SLC39A14: variants seen among roughly 807,000 people sequenced by gnomAD.
SLC39A14 encodes solute carrier family 39 member 14.
In SLC39A14, 19 loss-of-function variants were observed where a neutral mutation model predicts 45.5. The ratio of observed to expected loss-of-function variants is 0.42; its 90% CI spans 0.29 to 0.61. The LOEUF is 0.61. Among genes scored for constraint, SLC39A14 ranks in the 20% least tolerant of loss-of-function variants. SLC39A14 has a pLI of 0.22. For missense variants in SLC39A14, 447 were observed against 616.5 expected (o/e 0.73, Z 2.91); for synonymous variants, 264 against 251.3 (o/e 1.05, Z -0.48).
chr8:22,429,143 G>A (rs1315538297), intron 8 of SLC39A14, among the ~76,000 whole-genome samples: 1 of 152,086 alleles, frequency 6.6e-6, no homozygotes, highest in African/African-American at 2.4e-5. Flanking sequence ...GTGGTGGCGG[G>A]CACCTGTGGT....
intron 8 of SLC39A14, among the ~76,000 whole-genome samples, chr8:22,428,499 G>T (rs1182273093): frequency 2.9e-5 from 4 of 136,344 alleles, no homozygotes; most frequent in East Asian, 2.3e-4. Flanking sequence ...CTGTAGTGCC[G>T]TGGTACGATC....
intron 8 of SLC39A14, among the ~76,000 whole-genome samples, chr8:22,428,695 C>A (rs1836425005): frequency 6.6e-6 from 1 of 151,830 alleles, no homozygotes; most frequent in Non-Finnish European, 1.5e-5. Context: ...CCCAGCCTGG[C>A]CTCCCAAAGT....
intron 8 of SLC39A14, among the ~76,000 whole-genome samples, chr8:22,428,870 G>A (rs926976420): frequency 5.9e-5 from 9 of 152,180 alleles, no homozygotes; most frequent in African/African-American, 2.2e-4. Context: ...GTTTAAATGG[G>A]AGAATCCTTG....
intron 1 of SLC39A14, among the ~76,000 whole-genome samples, chr8:22,384,231 T>G (rs1833663334): frequency 6.6e-6 from 1 of 152,144 alleles, no homozygotes; most frequent in Admixed American, 6.5e-5. Context: ...AAACTCAAAA[T>G]TTCCATGAGC....
rs8594 is a variant in SLC39A14, at chr8:22,422,303, A to G, written c.*2605A>G. On this transcript the variant is annotated 3_prime_UTR_variant, in exon 9 of 9. Coordinates refer to ENST00000381237, the MANE Select transcript of SLC39A14 (RefSeq NM_001128431.4). ...CCTTCTCACTTCACCACCGGCACAC[A>G]GCTTGCCCCTGTCTTTGCCCCCAAA... is the stretch of plus-strand genomic sequence containing the variant. The G allele has an allele frequency of 0.051, 50,356 of 985,568 alleles. 1,344 individuals carry two copies. The highest frequency in any genetic ancestry group is 0.099 in the South Asian group (2,106 of 21,284). 61.1% of individuals were successfully genotyped at this position (985,568 alleles called of 1,614,324 possible).
chr8:22,371,666 C>T (rs1178676997), intron 1 of SLC39A14, among the ~76,000 whole-genome samples: 16 of 149,178 alleles, frequency 1.1e-4, no homozygotes, highest in Non-Finnish European at 2.2e-4. Flanking sequence ...CTCCTGACCT[C>T]GTGATCTACC....
rs35740756 is a variant in SLC39A14, at chr8:22,396,593, AG to A, written c.-15-8102del. ...GAGAGAGAGAGAGAGAGAGAGAGAG[AG>A]AGAGAAGACTAAGTGGAATTTGGAA... On this transcript the variant is annotated intron_variant, in intron 1 of 8. Transcript: ENST00000381237. 5.3e-5 allele frequency among the ~76,000 whole-genome samples: 5 copies of A among 94,820 alleles called. 1 individual carries two copies. The highest frequency in any genetic ancestry group is 2.2e-4 in the Admixed American group (2 of 8,924). The allele number at this position is 94,820 out of a possible 152,430, so 62.2% of individuals were successfully genotyped here. A position where few individuals can be genotyped will look rare whatever the true frequency, so the allele number is the denominator to read the frequency against.
intron 1 of SLC39A14, chr8:22,398,743 G>A (rs1834666159): frequency 1.0e-6 from 1 of 985,286 alleles, no homozygotes; most frequent in Non-Finnish European, 1.2e-6. Flanking sequence ...CGTCTGTGCA[G>A]GACAGAAGTG....
intron 7 of SLC39A14, among the ~76,000 whole-genome samples, chr8:22,416,821 A>G (rs1462955149): frequency 5.3e-5 from 8 of 152,188 alleles, no homozygotes; most frequent in Non-Finnish European, 1.5e-5. Context: ...CCCCATATGC[A>G]GTGGCTCAGT....
chr8:22,394,014 T>A (rs1834229878), intron 1 of SLC39A14, among the ~76,000 whole-genome samples: 1 of 150,854 alleles, frequency 6.6e-6, no homozygotes, highest in Non-Finnish European at 1.5e-5. Flanking sequence ...AGGGGTGTTT[T>A]TTTTTTTTTT....
chr8:22,433,042 G>A (rs765675191), intron 8 of SLC39A14, among the ~76,000 whole-genome samples: 3 of 152,032 alleles, frequency 2.0e-5, no homozygotes, highest in Non-Finnish European at 4.4e-5. Flanking sequence ...GGGCTCAAGC[G>A]ATCCTTGTGC....
chr8:22,393,376 A>G (rs1455840614), intron 1 of SLC39A14: 2 of 309,878 alleles, frequency 6.5e-6, no homozygotes, highest in Non-Finnish European at 9.4e-6. Flanking sequence ...AGCCTAGGTC[A>G]GCTTGTCTGA....
intron 1 of SLC39A14, among the ~76,000 whole-genome samples, chr8:22,386,096 C>T (rs547546277): frequency 1.3e-5 from 2 of 152,034 alleles, no homozygotes; most frequent in East Asian, 1.9e-4. Context: ...TGCACCACTA[C>T]GCCTGGCTAA....
At chr8:22,411,902 A>G (rs1835590662) in intron 3 of SLC39A14, 135 bp from the exon 4 acceptor site, 1 of 739,370 alleles carries the variant, frequency 1.4e-6, no homozygotes, top group Admixed American at 2.9e-5. Flanking sequence ...TTGTTCCGTT[A>G]ATATCCACCA....
chr8:22,397,324 A>G (rs1203833330), intron 1 of SLC39A14, among the ~76,000 whole-genome samples: 1 of 151,976 alleles, frequency 6.6e-6, no homozygotes, highest in Non-Finnish European at 1.5e-5. Flanking sequence ...CACGCCTGTA[A>G]TCCCAGCACT....
Position 22,422,552 on chromosome 8 carries a change from G to A in SLC39A14, c.*2854G>A. ...TCTTATTTCCCTTTACAGTTCTGCA[G>A]TTCCATCACAGTATTTTTTTAAATA... On this transcript the variant is annotated 3_prime_UTR_variant, in exon 9 of 9. Transcript: ENST00000381237. The A allele has an allele frequency of 1.0e-6, 1 of 985,416 alleles. No individual in the cohort carries two copies. The highest frequency in any genetic ancestry group is 1.7e-5 in the African/African-American group (1 of 57,344). The allele number at this position is 985,416 out of a possible 1,614,324, so 61.0% of individuals were successfully genotyped here.
Position 22,416,131 on chromosome 8 carries a change from T to G in SLC39A14, c.998T>G (p.Ile333Ser). The G allele has an allele frequency of 6.2e-7, 1 of 1,614,126 alleles. No homozygotes were observed. Among genetic ancestry groups the G allele is most frequent in the Non-Finnish European group, 8.5e-7 (1 of 1,180,004 alleles). The change falls in exon 7 of 9, where the codon ATC becomes AGC. Residue 333 changes from isoleucine to serine, a missense_variant. Transcript: ENST00000381237. ...CTGAAAGGTGTCCGCTACTCTGATATCGGCACTCTGGCCTGGATGATCACT... is the reference window on the plus strand; with the variant it reads ...CTGAAAGGTGTCCGCTACTCTGATAGCGGCACTCTGGCCTGGATGATCACT... ...YWLKGVRYSD[I>S]GTLAWMITLS... is the part of the protein sequence containing the mutation.
chr8:22,415,628 TG>T, intron 5 of SLC39A14, 140 bp from the exon 6 acceptor site: 1 of 719,116 alleles, frequency 1.4e-6, no homozygotes, highest in Non-Finnish European at 2.2e-6. Flanking sequence ...GCTATGTTTC[TG>T]GGCACGTGAC....
At chr8:22,411,243 C>T (rs557366849) in intron 3 of SLC39A14, among the ~76,000 whole-genome samples, 1 of 152,328 alleles carries the variant, frequency 6.6e-6, no homozygotes, top group South Asian at 2.1e-4. Context: ...GTGTCTCATC[C>T]TGGTCTGGTT....
Sources: allele counts gnomAD v4.1 joint callset (sites outside exome capture counted in the v4.1 genomes callset), GRCh38; gene constraint gnomAD v4.1.1; transcripts MANE v1.5; gene names NCBI Gene and HGNC (gene_info 2026-07-23, HGNC 2026-07-21).